ASPSCR1: variants seen among roughly 807,000 people sequenced by gnomAD.
The protein encoded by ASPSCR1 is ASPSCR1 tether for SLC2A4, UBX domain containing.
A neutral mutation model predicts 68.9 loss-of-function variants in ASPSCR1; 55 were observed. The observed-to-expected ratio is 0.80, with a 90% confidence interval of 0.64 to 1.00. ASPSCR1 has a LOEUF of 1.00. Ranked by LOEUF, ASPSCR1 falls within the 50% of genes least tolerant of loss-of-function variation. ASPSCR1 has a pLI of 0.00. For missense variants in ASPSCR1, 765 were observed against 762.2 expected, an observed-to-expected ratio of 1.00 and a Z score of -0.04; for synonymous variants, 352 against 332.6, an observed-to-expected ratio of 1.06 and a Z score of -0.63.
intron 15 of ASPSCR1, 71 bp from the exon 16 acceptor site, chr17:82,017,238 G>A (rs536223495): frequency 6.1e-5 from 97 of 1,602,044 alleles, no homozygotes; most frequent in Middle Eastern, 3.6e-4. Flanking sequence ...TGCTTCAGCC[G>A]GGCTGGTGGG....
intron 7 of ASPSCR1, among the ~76,000 whole-genome samples, chr17:82,003,775 G>A (rs1232455177): frequency 1.3e-5 from 2 of 152,228 alleles, no homozygotes; most frequent in Non-Finnish European, 2.9e-5. Flanking sequence ...CCCACGCCCT[G>A]GCACAGCCTC....
intron 2 of ASPSCR1, among the ~76,000 whole-genome samples, chr17:81,980,660 C>G (rs2041766669): frequency 6.6e-6 from 1 of 152,242 alleles, no homozygotes; most frequent in African/African-American, 2.4e-5. Context: ...AAGCTGGAAA[C>G]AGACACTTCA....
chr17:82,000,536 CA>C (rs1310891771), intron 7 of ASPSCR1, among the ~76,000 whole-genome samples: 13 of 152,144 alleles, frequency 8.5e-5, no homozygotes, highest in Admixed American at 8.5e-4. Context: ...GAGAAGGGAA[CA>C]AAACAGAACT....
intron 4 of ASPSCR1, 83 bp downstream of exon 4, chr17:81,985,690 G>GGTGTCCAGCTCTGA: frequency 7.2e-7 from 1 of 1,395,908 alleles, no homozygotes; most frequent in Non-Finnish European, 1.0e-6. Context: ...TTCAGAGCTG[G>GGTGTCCAGCTCTGA]ACACCCAAGC....
chr17:82,009,415 AG>A, intron 8 of ASPSCR1, 70 bp from the exon 9 acceptor site: 1 of 1,469,866 alleles, frequency 6.8e-7, no homozygotes. Context: ...GGTGCAGGTG[AG>A]GAGCCCGGGG....
rs944636053 is a variant in ASPSCR1 at position 81,999,680 on chromosome 17, T to C, written c.933+2834T>C. 1.3e-5 allele frequency among the ~76,000 whole-genome samples: 2 copies of C among 150,746 alleles called. No homozygotes were observed. The highest frequency in any genetic ancestry group is 1.3e-4 in the Admixed American group (2 of 15,186). On this transcript the variant is annotated intron_variant, in intron 7 of 15. Coordinates refer to ENST00000306739, the MANE Select transcript of ASPSCR1 (RefSeq NM_024083.4). The surrounding 1 kb of genome is among the most constrained non-coding windows in gnomAD (Gnocchi z 4.4). ...AGTGGCCAGGAGGGCTCTGTGCACA[T>C]GGCCCCGGCCTCGGCTGTCCCCTGG...
chr17:81,979,341 C>T, intron 2 of ASPSCR1, 102 bp downstream of exon 2: 5 of 1,324,236 alleles, frequency 3.8e-6, no homozygotes, highest in Non-Finnish European at 5.4e-6. Context: ...TGGTTTTAAA[C>T]AGTCATATAT....
At chr17:81,992,805 C>T (rs2042215663) in intron 4 of ASPSCR1, among the ~76,000 whole-genome samples, 1 of 152,258 alleles carries the variant, frequency 6.6e-6, no homozygotes, top group Non-Finnish European at 1.5e-5. Flanking sequence ...TTGTTGGCTG[C>T]TCTGTGGGAC....
At chr17:82,010,084 G>GTTT (rs768673621) in intron 9 of ASPSCR1, 9 of 251,536 alleles carry the variant, frequency 3.6e-5, no homozygotes, top group South Asian at 1.2e-4. Flanking sequence ...GCTAATTTTT[G>GTTT]TTGTTTTTTT....
intron 12 of ASPSCR1, chr17:82,014,630 A>G (rs564541753): frequency 3.9e-5 from 7 of 177,244 alleles, no homozygotes; most frequent in Non-Finnish European, 8.5e-5. Context: ...GGGCGTCTTG[A>G]GCTGCAAGGG....
In ASPSCR1 at chr17:82,017,287, C is replaced by T. The variant is rs145112942; in HGVS notation, c.1649-22C>T. On this transcript the variant is annotated intron_variant, in intron 15 of 15. Coordinates refer to ENST00000306739, the MANE Select transcript of ASPSCR1 (RefSeq NM_024083.4). ...GGTGAGAGCCCGGGGTGTGTGGTCA[C>T]CCTGATGTGTCTGCACTACAGCCAG... 1.9e-5 allele frequency: 31 copies of T among 1,611,010 alleles called. No individual in the cohort carries two copies. The African/African-American group carries it at 3.3e-4, about 17-fold the overall frequency.
intron 7 of ASPSCR1, chr17:82,008,710 C>G (rs1002959076): frequency 8.5e-5 from 24 of 283,040 alleles, no homozygotes; most frequent in Admixed American, 1.1e-4. Context: ...CACCCCTCCC[C>G]CCCATGGAGA....
chr17:82,013,827 C>G (rs777781709), intron 12 of ASPSCR1: 1 of 152,554 alleles, frequency 6.6e-6, no homozygotes, highest in African/African-American at 2.4e-5. Context: ...CCCCCCGCCC[C>G]TGCCTGAAAC....
In ASPSCR1 at chr17:81,977,737, G is replaced by A; in HGVS notation, c.91G>A (p.Val31Met). Residue 31 changes from valine (V) to methionine (M), a missense_variant, in exon 1 of 16, where the codon GTG becomes ATG. Val to Met is a conservative substitution (Grantham distance 21). Transcript: ENST00000306739. The surrounding 1 kb of genome is among the most constrained non-coding windows in gnomAD (Gnocchi z 5.0). ...RHTVKVTPSTVLLQVLEDTCR... is the reference protein window; with the variant it reads ...RHTVKVTPSTMLLQVLEDTCR... The stretch of plus-strand genomic sequence containing the variant: ...CACGGTGAAGGTGACGCCGAGCACC[G>A]TGCTGCTTCAGGTGCGGCCGCCCGC... 2.4e-6 allele frequency: 3 copies of A among 1,258,758 alleles called. No homozygotes were observed. The highest frequency in any genetic ancestry group is 3.2e-5 in the East Asian group (1 of 30,906). The allele number at this position is 1,258,758 out of a possible 1,614,324, so 78.0% of individuals were successfully genotyped here.
Position 81,986,899 on chromosome 17 carries a change from G to T in ASPSCR1, c.374+1292G>T, listed in dbSNP as rs1296028994. Among the ~76,000 whole-genome samples, 3 of 152,198 alleles carry T rather than the reference G, an allele frequency of 2.0e-5. No homozygotes were observed. Among genetic ancestry groups the T allele is most frequent in the East Asian group, 1.9e-4 (1 of 5,200 alleles). ...GCACGTCGGGTCTCAGTGGTCATGG[G>T]GATGGAAGCCACCCCAGTGGCTGTC... is the stretch of plus-strand genomic sequence containing the variant. On this transcript the variant is annotated intron_variant, in intron 4 of 15. Transcript: ENST00000306739. This position sits in a 1 kb window ranked among gnomAD's most constrained non-coding sequence, Gnocchi z 5.2.
At chr17:82,010,328 G>C (rs1208919130) in intron 9 of ASPSCR1, among the ~76,000 whole-genome samples, 4 of 151,226 alleles carry the variant, frequency 2.6e-5, no homozygotes, top group Non-Finnish European at 5.9e-5. Context: ...AGGAGATCGA[G>C]ACCATCCTGG....
chr17:81,996,890 C>T lies in ASPSCR1; in HGVS notation c.933+44C>T, dbSNP rs199964378. The T allele has an allele frequency of 5.9e-6, 9 of 1,535,350 alleles. No individual in the cohort carries two copies. In the Admixed American group the frequency reaches 1.3e-4, roughly 22 times the overall value. ...CTTGGGACTTGGGGGTGTCCTTTCT[C>T]CTGATGTGTAGCCCTGCGTGGCTTT... On this transcript the variant is annotated intron_variant, in intron 7 of 15. Transcript: ENST00000306739.
chr17:81,998,997 T>C (rs1260062752), intron 7 of ASPSCR1, among the ~76,000 whole-genome samples: 3 of 152,254 alleles, frequency 2.0e-5, no homozygotes, highest in African/African-American at 7.2e-5. Context: ...TCCCTGGCCC[T>C]GTGGCTGACT....
In ASPSCR1 at chr17:82,012,274, C is replaced by T. The variant is rs781627131; in HGVS notation, c.1344C>T (p.Thr448=). The T allele has an allele frequency of 1.2e-5, 20 of 1,613,456 alleles. No individual in the cohort carries two copies. The South Asian group carries it at 2.2e-4, about 18-fold the overall frequency. The change falls in exon 12 of 16, where the codon ACC becomes ACT. Residue 448 remains threonine (T), a synonymous_variant. Transcript: ENST00000306739. The part of the protein sequence containing the change: ...PKTVLDDHTQ[T]LFQANLFPAA... ...CAGTCCTGGACGACCACACGCAGAC[C>T]CTCTTTCAGGTACCTGAGGGCCTCC...
Sources: gnomAD v4.1 joint callset for allele counts (sites outside exome capture counted in the v4.1 genomes callset) on GRCh38, gnomAD v4.1.1 for gene constraint, Gnocchi (gnomAD v3.1) non-coding constraint, MANE v1.5 for transcripts, NCBI Gene and HGNC (gene_info 2026-07-23, HGNC 2026-07-21) for gene names.